MEAK7: variants seen among roughly 807,000 people sequenced by gnomAD.
The protein encoded by MEAK7 is MTOR-associated protein MEAK7.
MEAK7 carries 68 observed loss-of-function variants against 40.5 expected under a neutral mutation model. The ratio of observed to expected loss-of-function variants is 1.68; its 90% CI spans 1.38 to 2.06. The LOEUF (loss-of-function observed/expected upper bound fraction) is 2.06, where lower values mean the gene tolerates loss of function less well. MEAK7 is among the 30% of genes most tolerant of loss of function. The pLI is 0.00. For missense variants in MEAK7, 918 were observed against 580.5 expected (o/e 1.58, Z -5.98); for synonymous variants, 338 against 231.9 (o/e 1.46, Z -4.16).
At position 84,503,447 on chromosome 16, in the gene MEAK7, C is replaced by T. The variant is rs543967393; in HGVS notation, c.-26+1154G>A. On this transcript the variant is annotated intron_variant, in intron 1 of 7. Transcript: ENST00000343629. The stretch of plus-strand genomic sequence containing the variant: ...CCCCACCCTGCTTCCTGGCTTCCCA[C>T]TTGCCCATGCTATAATCAGAGTTGA... Among the ~76,000 whole-genome samples the T allele has an allele frequency of 5.9e-5, 9 of 152,318 alleles. No homozygotes were observed. The East Asian group carries it at 1.2e-3, about 20-fold the overall frequency.
chr16:84,488,790 C>A (rs1391325093), intron 4 of MEAK7, among the ~76,000 whole-genome samples: 1 of 152,058 alleles, frequency 6.6e-6, no homozygotes, highest in Non-Finnish European at 1.5e-5. Flanking sequence ...GCAGCGAAGG[C>A]AGTGCTGAAA....
At chr16:84,495,934 A>C in intron 2 of MEAK7, 21 bp from the exon 3 acceptor site, 2 of 1,612,830 alleles carry the variant, frequency 1.2e-6, no homozygotes, top group Non-Finnish European at 1.7e-6. Flanking sequence ...CAAGCAGAAA[A>C]ATATGGTTAG....
rs1469205307 is a variant in MEAK7, at chr16:84,477,694, C to G, written c.*2219G>C. 6.6e-6 allele frequency: 1 copy of G among 151,930 alleles called. No individual in the cohort carries two copies. Among genetic ancestry groups the G allele is most frequent in the Non-Finnish European group, 1.5e-5 (1 of 68,000 alleles). 9.4% of individuals were successfully genotyped at this position (151,930 alleles called of 1,614,324 possible). A position where few individuals can be genotyped will look rare whatever the true frequency, so the allele number is the denominator to read the frequency against. ...TTCTCATTCTGGTTTCACAAAAGAA[C>G]AAACTATTCATTTGTGCAAACTAGG... On this transcript the variant is annotated 3_prime_UTR_variant, in exon 8 of 8. Transcript: ENST00000343629.
At chr16:84,496,246 T>A (rs1235780336) in intron 2 of MEAK7, among the ~76,000 whole-genome samples, 2 of 152,170 alleles carry the variant, frequency 1.3e-5, no homozygotes, top group Non-Finnish European at 2.9e-5. Context: ...ATTTACTTAT[T>A]AAAAGGCTAG....
chr16:84,491,516 G>C (rs1311451172), intron 3 of MEAK7, among the ~76,000 whole-genome samples: 1 of 145,972 alleles, frequency 6.9e-6, no homozygotes, highest in Non-Finnish European at 1.5e-5. Flanking sequence ...TCCAGACTGG[G>C]CAACGGAGCG....
In MEAK7 at chr16:84,482,675, T is replaced by C. The variant is rs540108765; in HGVS notation, c.994A>G (p.Ser332Gly). The C allele has an allele frequency of 1.4e-4, 227 of 1,614,232 alleles. 3 individuals are homozygous for C. The South Asian group carries it at 2.4e-3, about 17-fold the overall frequency. The change falls in exon 6 of 8, where the codon AGC (serine) becomes GGC (glycine). Residue 332 changes from serine (S) to glycine (G), a missense_variant. By Grantham distance (56) the Ser-to-Gly change is moderately conservative. Coordinates refer to ENST00000343629, the MANE Select transcript of MEAK7 (RefSeq NM_020947.4). Reference protein sequence around the residue: ...NRCFLFSICPSMAVYTHTGYN... With the variant: ...NRCFLFSICPGMAVYTHTGYN... ...CCCGTGTGTGTGTACACAGCCATGC[T>C]GGGGCAGATGGAGAACAGGAAGCAT...
intron 1 of MEAK7, among the ~76,000 whole-genome samples, chr16:84,503,308 C>T (rs1460878713): frequency 6.6e-6 from 1 of 152,176 alleles, no homozygotes; most frequent in African/African-American, 2.4e-5. Flanking sequence ...ACGAGCTTGC[C>T]CTAGGTGATG....
intron 2 of MEAK7, chr16:84,497,338 T>A (rs546134197): frequency 8.8e-7 from 1 of 1,132,604 alleles, no homozygotes. Flanking sequence ...CAGTTTTAAC[T>A]CCCTGCAAGA....
At chr16:84,486,269 G>C (rs1402739606) in intron 5 of MEAK7, 1 of 204,784 alleles carries the variant, frequency 4.9e-6, no homozygotes, top group Admixed American at 6.5e-5. Context: ...ACGCGTGGCG[G>C]TGGGGGCAGG....
intron 7 of MEAK7, 145 bp from the exon 8 acceptor site, chr16:84,480,171 T>TGG: frequency 1.5e-6 from 1 of 649,452 alleles, no homozygotes. Flanking sequence ...AGTGGCTGGG[T>TGG]GGGTAGGAGG....
chr16:84,483,580 G>T (rs1321568543), intron 5 of MEAK7, among the ~76,000 whole-genome samples: 2 of 152,238 alleles, frequency 1.3e-5, no homozygotes, highest in African/African-American at 4.8e-5. Context: ...ATGGAACGCA[G>T]ATAAGAAGGG....
chr16:84,496,515 G>C (rs1037438557), intron 2 of MEAK7, among the ~76,000 whole-genome samples: 1 of 152,052 alleles, frequency 6.6e-6, no homozygotes, highest in Non-Finnish European at 1.5e-5. Flanking sequence ...CTCCACGTGT[G>C]TCCATGTCAT....
At chr16:84,494,569 G>A (rs1305810475) in intron 3 of MEAK7, among the ~76,000 whole-genome samples, 1 of 152,020 alleles carries the variant, frequency 6.6e-6, no homozygotes, top group African/African-American at 2.4e-5. Context: ...AACCATTTTC[G>A]TACCTGCCTG....
chr16:84,495,859 T>C lies in MEAK7; in HGVS notation c.208A>G (p.Met70Val). ...TTCCCTGTCAGGTCGACCCTCCGCATGCCATCATACAGCCTGGTGACCATC... is the reference window on the plus strand; with the variant it reads ...TTCCCTGTCAGGTCGACCCTCCGCACGCCATCATACAGCCTGGTGACCATC... ...PEMVTRLYDG[M>V]RRVDLTGKAK... Residue 70 changes from methionine (M) to valine (V), a missense_variant, in exon 3 of 8, where the codon ATG becomes GTG. Met to Val is a conservative substitution (Grantham distance 21). Coordinates refer to ENST00000343629, the MANE Select transcript of MEAK7 (RefSeq NM_020947.4). 1 of 1,614,098 alleles carries C rather than the reference T, an allele frequency of 6.2e-7. No homozygotes were observed.
Position 84,482,740 on chromosome 16 carries a change from G to C in MEAK7, c.959-30C>G, listed in dbSNP as rs372962639. The C allele has an allele frequency of 6.8e-6, 11 of 1,612,752 alleles. No homozygotes were observed. The African/African-American group carries it at 9.3e-5, about 14-fold the overall frequency. On this transcript the variant is annotated intron_variant, in intron 5 of 7. Coordinates refer to ENST00000343629, the MANE Select transcript of MEAK7 (RefSeq NM_020947.4). The stretch of plus-strand genomic sequence containing the variant: ...AAGTAGCCAGAGAACAAAACAAACA[G>C]GGTCGGTGTCTGAGCCGGTCCCACA...
chr16:84,498,025 T>C lies in MEAK7; in HGVS notation c.62A>G (p.Gln21Arg). 1 of 1,614,174 alleles carries C rather than the reference T, an allele frequency of 6.2e-7. No individual in the cohort carries two copies. The highest frequency in any genetic ancestry group is 1.3e-5 in the African/African-American group (1 of 75,050). The change falls in exon 2 of 8, where the codon CAG becomes CGG. Residue 21 changes from glutamine to arginine, a missense_variant. Gln to Arg is a conservative substitution (Grantham distance 43, BLOSUM62 1). Coordinates refer to ENST00000343629, the MANE Select transcript of MEAK7 (RefSeq NM_020947.4). Reference sequence around the variant, plus strand: ...ATCAAACAATTGATCAATCTCTGCCTGTTCCTCAGGAAGAAACTGTGAACA... The same window carrying C: ...ATCAAACAATTGATCAATCTCTGCCCGTTCCTCAGGAAGAAACTGTGAACA... Reference protein sequence around the residue: ...SFCSQFLPEEQAEIDQLFDAL... With the variant: ...SFCSQFLPEERAEIDQLFDAL...
At chr16:84,499,128 G>C (rs745935277) in intron 1 of MEAK7, among the ~76,000 whole-genome samples, 2 of 152,202 alleles carry the variant, frequency 1.3e-5, no homozygotes, top group Admixed American at 6.5e-5. Context: ...CTGGCACCAA[G>C]AGCAGGTGAC....
At position 84,497,965 on chromosome 16, in the gene MEAK7, G is replaced by A. The variant is rs979489472; in HGVS notation, c.122C>T (p.Ser41Leu). ...TGCCTTCAGAGAGAAGGATTTGGATGAGACATTCGGGCTGTTTTTATCTGA... is the reference window on the plus strand; with the variant it reads ...TGCCTTCAGAGAGAAGGATTTGGATAAGACATTCGGGCTGTTTTTATCTGA... The part of the protein sequence containing the change: ...LSSDKNSPNV[S>L]SKSFSLKALQ... The change falls in exon 2 of 8, where the codon TCA becomes TTA. Residue 41 changes from serine (S) to leucine (L), a missense_variant. Physicochemically the swap from Ser to Leu is moderately radical, Grantham distance 145. Coordinates refer to ENST00000343629, the MANE Select transcript of MEAK7 (RefSeq NM_020947.4). 1.2e-6 allele frequency: 2 copies of A among 1,614,220 alleles called. No individual in the cohort carries two copies. The highest frequency in any genetic ancestry group is 8.5e-7 in the Non-Finnish European group (1 of 1,180,040).
rs199654879 is a variant in MEAK7 at position 84,479,982 on chromosome 16, C to G, written c.1302G>C (p.Gln434His). 404 of 1,609,402 alleles carry G rather than the reference C, an allele frequency of 2.5e-4. No homozygotes were observed. The highest frequency in any genetic ancestry group is 3.3e-4 in the Non-Finnish European group (386 of 1,176,980). The change falls in exon 8 of 8, where the codon CAG becomes CAC. Residue 434 changes from glutamine to histidine, a missense_variant. Physicochemically the swap from Gln to His is conservative, Grantham distance 24. Transcript: ENST00000343629. Reference protein sequence around the residue: ...KSILDADPEAQALLEISGHSR... With the variant: ...KSILDADPEAHALLEISGHSR... ...AATGCCCACTGATCTCCAGCAGGGC[C>G]TGGGCCTCAGGGTCCGCATCCAGGA...
Sources: gnomAD v4.1 joint callset for allele counts (sites outside exome capture counted in the v4.1 genomes callset) on GRCh38, gnomAD v4.1.1 for gene constraint, MANE v1.5 for transcripts, NCBI Gene and HGNC (gene_info 2026-07-23, HGNC 2026-07-21) for gene names.